The following TAFA1 variants were observed in gnomAD, a reference collection of about 807,000 sequenced individuals.
TAFA1 encodes TAFA chemokine like family member 1.
Under a neutral mutation model 18.5 loss-of-function variants are expected in TAFA1, and 4 were observed. That is an observed-to-expected ratio of 0.22 (90% CI 0.11 to 0.49). TAFA1 has a LOEUF of 0.49. TAFA1 is among the 20% of genes least tolerant of loss of function. The pLI is 0.98. For synonymous variants in TAFA1, 56 were observed against 55.2 expected, an observed-to-expected ratio of 1.01 and a Z score of -0.06; for missense variants, 147 against 169.0, an observed-to-expected ratio of 0.87 and a Z score of 0.72.
intron 2 of TAFA1, among the ~76,000 whole-genome samples, chr3:68,069,536 C>T (rs1438591488): frequency 6.6e-6 from 1 of 152,148 alleles, no homozygotes; most frequent in Non-Finnish European, 1.5e-5. Flanking sequence ...TCATTCCACC[C>T]CTCACCCCTC....
At chr3:68,379,569 G>A (rs1288916920) in intron 2 of TAFA1, among the ~76,000 whole-genome samples, 1 of 152,072 alleles carries the variant, frequency 6.6e-6, no homozygotes, top group Non-Finnish European at 1.5e-5. Flanking sequence ...ATCTTTGCCT[G>A]TTGCTTTGTC....
chr3:68,479,908 C>T (rs961030261), intron 3 of TAFA1, among the ~76,000 whole-genome samples: 1 of 151,926 alleles, frequency 6.6e-6, no homozygotes, highest in Non-Finnish European at 1.5e-5. Context: ...ACACACACAT[C>T]ACCACATTAG....
At position 68,374,144 on chromosome 3, in the gene TAFA1, G is replaced by A. The variant is rs76454168; in HGVS notation, c.119-43136G>A. Among the ~76,000 whole-genome samples, 18 of 152,214 alleles carry A rather than the reference G, an allele frequency of 1.2e-4. No individual in the cohort carries two copies. The East Asian group carries it at 2.5e-3, about 21-fold the overall frequency. The stretch of plus-strand genomic sequence containing the variant: ...TGCTTCTCATCCCACATGGTGAAAC[G>A]TAGCCACCCACAACTCCAGTGATTA... On this transcript the variant is annotated intron_variant, in intron 2 of 4. Transcript: ENST00000478136.
chr3:68,459,767 A>G (rs1237911208), intron 3 of TAFA1, among the ~76,000 whole-genome samples: 1 of 152,222 alleles, frequency 6.6e-6, no homozygotes, highest in Non-Finnish European at 1.5e-5. Context: ...ATCCCAGTCA[A>G]ATACTCATGA....
At chr3:68,182,469 T>C (rs2106989198) in intron 2 of TAFA1, among the ~76,000 whole-genome samples, 1 of 152,300 alleles carries the variant, frequency 6.6e-6, no homozygotes, top group Non-Finnish European at 1.5e-5. Flanking sequence ...CATTCAAAAC[T>C]ACTAACAGTT....
chr3:68,255,728 C>A (rs539924303), intron 2 of TAFA1, among the ~76,000 whole-genome samples: 2 of 151,772 alleles, frequency 1.3e-5, no homozygotes, highest in Non-Finnish European at 2.9e-5. Flanking sequence ...TTTTAAGGGA[C>A]CCTAGGCTTC....
At chr3:68,164,654 T>TGTGTGA (rs1369555982) in intron 2 of TAFA1, among the ~76,000 whole-genome samples, 1 of 151,740 alleles carries the variant, frequency 6.6e-6, no homozygotes, top group East Asian at 1.9e-4. Context: ...TGTGTGTGTG[T>TGTGTGA]GTGTGTGGGA....
chr3:68,061,997 G>T (rs1408986864), intron 2 of TAFA1, among the ~76,000 whole-genome samples: 1 of 136,192 alleles, frequency 7.3e-6, no homozygotes, highest in Non-Finnish European at 1.7e-5. Flanking sequence ...CATGGTAGGG[G>T]GTTCAATGCT....
intron 2 of TAFA1, among the ~76,000 whole-genome samples, chr3:68,239,127 TG>T (rs947096124): frequency 2.6e-5 from 4 of 152,182 alleles, no homozygotes; most frequent in African/African-American, 7.2e-5. Flanking sequence ...TTATACTTTT[TG>T]GACAAAAATT....
chr3:68,308,006 G>C (rs4855330), intron 2 of TAFA1, among the ~76,000 whole-genome samples: 3,938 of 152,192 alleles, frequency 0.026, 91 homozygotes, highest in East Asian at 0.099. Flanking sequence ...ATTGCCAAGT[G>C]TTGAATAAAT....
chr3:68,431,810 G>T (rs2071179349), intron 3 of TAFA1, among the ~76,000 whole-genome samples: 4 of 151,916 alleles, frequency 2.6e-5, no homozygotes, highest in South Asian at 2.1e-4. Flanking sequence ...TTTTTATTTG[G>T]CTGGGAGCGT....
intron 3 of TAFA1, among the ~76,000 whole-genome samples, chr3:68,483,411 CTTT>C: frequency 6.6e-6 from 1 of 152,274 alleles, no homozygotes; most frequent in Admixed American, 6.5e-5. Flanking sequence ...CCATTTACAT[CTTT>C]TTCATTAATC....
At chr3:68,198,135 CT>C (rs2066433534) in intron 2 of TAFA1, among the ~76,000 whole-genome samples, 1 of 151,558 alleles carries the variant, frequency 6.6e-6, no homozygotes, top group Admixed American at 6.6e-5. Flanking sequence ...AATGTGGAGC[CT>C]TTTCAGACTG....
At chr3:68,080,236 C>T (rs964468791) in intron 2 of TAFA1, among the ~76,000 whole-genome samples, 19 of 152,162 alleles carry the variant, frequency 1.2e-4, no homozygotes, top group African/African-American at 4.6e-4. Context: ...TTCCTGAATA[C>T]AGCAGACTGA....
chr3:68,492,665 T>G (rs886541512), intron 3 of TAFA1, among the ~76,000 whole-genome samples: 3 of 152,190 alleles, frequency 2.0e-5, no homozygotes, highest in African/African-American at 7.2e-5. Flanking sequence ...CTTGCAGTGT[T>G]TCTATATTTA....
At chr3:68,503,537 A>G (rs1268804381) in intron 3 of TAFA1, among the ~76,000 whole-genome samples, 1 of 152,140 alleles carries the variant, frequency 6.6e-6, no homozygotes, top group Non-Finnish European at 1.5e-5. Context: ...GGAGAGGAAA[A>G]TGATGATGCT....
chr3:68,366,013 G>A (rs1428666787), intron 2 of TAFA1, among the ~76,000 whole-genome samples: 1 of 150,816 alleles, frequency 6.6e-6, no homozygotes, highest in East Asian at 2.0e-4. Context: ...TGAACCCCAG[G>A]AGGCAGAGGT....
chr3:68,310,043 A>T (rs1392508983), intron 2 of TAFA1, among the ~76,000 whole-genome samples: 1 of 152,226 alleles, frequency 6.6e-6, no homozygotes, highest in African/African-American at 2.4e-5. Flanking sequence ...ATAATTATTG[A>T]AACTTATATA....
At chr3:68,139,992 G>A (rs1022759144) in intron 2 of TAFA1, among the ~76,000 whole-genome samples, 2 of 152,050 alleles carry the variant, frequency 1.3e-5, no homozygotes, top group Admixed American at 6.6e-5. Context: ...ATGAAATACT[G>A]GAGTGAGACT....
Sources: allele counts gnomAD v4.1 joint callset (sites outside exome capture counted in the v4.1 genomes callset), GRCh38; gene constraint gnomAD v4.1.1; transcripts MANE v1.5; gene names NCBI Gene and HGNC (gene_info 2026-07-23, HGNC 2026-07-21).